Variants in INVS observed in about 807,000 individuals in gnomAD.
INVS encodes the protein inversion of embryo turning homolog.
INVS carries 86 observed loss-of-function variants against 108.8 expected under a neutral mutation model. The ratio of observed to expected loss-of-function variants is 0.79; its 90% CI spans 0.66 to 0.95. The LOEUF is 0.95. Among genes scored for constraint, INVS ranks in the 40% least tolerant of loss-of-function variants. The probability of loss-of-function intolerance (pLI) is 0.00; values close to 1 mark genes in which losing one functional copy is unlikely to be tolerated. For missense variants in INVS, 1,169 were observed against 1,297.4 expected (o/e 0.90, Z 1.52); for synonymous variants, 455 against 473.5 (o/e 0.96, Z 0.51).
chr9:100,284,640 TG>T (rs1471807630), intron 13 of INVS, 37 bp downstream of exon 13: 2 of 1,602,114 alleles, frequency 1.2e-6, no homozygotes, highest in African/African-American at 2.7e-5. Flanking sequence ...TGCCGGCCCA[TG>T]GACTGTGGGC....
chr9:100,245,967 C>T (rs1195132282), intron 7 of INVS, among the ~76,000 whole-genome samples: 2 of 151,914 alleles, frequency 1.3e-5, no homozygotes, highest in African/African-American at 2.4e-5. Flanking sequence ...GAGTTCAAGA[C>T]CAGCTTTGCC....
intron 3 of INVS, among the ~76,000 whole-genome samples, chr9:100,133,764 T>TACACACATACACACAC (rs1828125285): frequency 8.1e-6 from 1 of 123,828 alleles, no homozygotes; most frequent in Non-Finnish European, 1.7e-5. Flanking sequence ...CTGCCAAAGC[T>TACACACATACACACAC]ACACACACAC....
At position 100,252,270 on chromosome 9, in the gene INVS, G is replaced by T. The variant is rs373264811; in HGVS notation, c.1079-13G>T. On this transcript the variant is annotated splice_polypyrimidine_tract_variant and intron_variant, in intron 8 of 16. Coordinates refer to ENST00000262457, the MANE Select transcript of INVS (RefSeq NM_014425.5). Reference sequence around the variant, plus strand: ...ATTGACTAGTTCATCACTTTCTGTTGGTTCCCTTTTAGCTTTGCATGCTGC... The same window carrying T: ...ATTGACTAGTTCATCACTTTCTGTTTGTTCCCTTTTAGCTTTGCATGCTGC... The T allele has an allele frequency of 1.1e-5, 18 of 1,613,674 alleles. No homozygotes were observed. The East Asian group carries it at 4.0e-4, about 36-fold the overall frequency.
intron 2 of INVS, among the ~76,000 whole-genome samples, chr9:100,124,122 T>C (rs1179390414): frequency 1.3e-5 from 2 of 152,174 alleles, no homozygotes; most frequent in East Asian, 1.9e-4. Context: ...GTTGTGTTTT[T>C]AAATAAATCT....
chr9:100,118,069 C>CTT (rs757283860), intron 2 of INVS, among the ~76,000 whole-genome samples: 6 of 138,012 alleles, frequency 4.3e-5, no homozygotes, highest in Admixed American at 7.3e-5. Flanking sequence ...CTTTTTTTTT[C>CTT]TTTTTTTTTT....
intron 3 of INVS, among the ~76,000 whole-genome samples, chr9:100,137,048 A>G (rs1236369961): frequency 6.6e-6 from 1 of 152,208 alleles, no homozygotes; most frequent in Admixed American, 6.5e-5. Flanking sequence ...TCAAAAAAAA[A>G]GGACAGACAG....
At chr9:100,102,575 C>G (rs971654242) in intron 1 of INVS, 3 of 152,150 alleles carry the variant, frequency 2.0e-5, no homozygotes, top group Non-Finnish European at 4.4e-5. Flanking sequence ...TGTGATGGCA[C>G]ATGCCTGAAG....
chr9:100,104,500 T>G lies in INVS; in HGVS notation c.-22T>G, dbSNP rs751017082. 19 of 1,543,410 alleles carry G rather than the reference T, an allele frequency of 1.2e-5. No individual in the cohort carries two copies. The East Asian group carries it at 4.3e-4, about 35-fold the overall frequency. On this transcript the variant is annotated splice_region_variant and 5_prime_UTR_variant, in exon 2 of 17. Transcript: ENST00000262457. ...CATTGTCTGAATCATTGTTTCAGGT[T>G]GCTCCGGTTGCTAAGAAGACTATGA... is the stretch of plus-strand genomic sequence containing the variant.
chr9:100,301,139 T>TCACACACACACACACACACACACA lies in INVS; in HGVS notation c.*482_*505dup, dbSNP rs10527613. The TCACACACACACACACACACACACA allele has an allele frequency of 1.2e-5, 2 of 167,484 alleles. No individual in the cohort carries two copies. Among genetic ancestry groups the TCACACACACACACACACACACACA allele is most frequent in the African/African-American group, 7.2e-5 (2 of 27,638 alleles). The allele number at this position is 167,484 out of a possible 1,614,324, so 10.4% of individuals were successfully genotyped here. A position where few individuals can be genotyped will look rare whatever the true frequency, so the allele number is the denominator to read the frequency against. The stretch of plus-strand genomic sequence containing the variant: ...CCTGGCATCTAATGCAACAAACTTA[T>TCACACACACACACACACACACACA]CACACACACACACACACACACACAC... On this transcript the variant is annotated 3_prime_UTR_variant, in exon 17 of 17. Coordinates refer to ENST00000262457, the MANE Select transcript of INVS (RefSeq NM_014425.5).
chr9:100,103,122 G>T (rs1827055083), intron 1 of INVS, among the ~76,000 whole-genome samples: 1 of 151,998 alleles, frequency 6.6e-6, no homozygotes, highest in South Asian at 2.1e-4. Context: ...CAAAGTGCTG[G>T]GATTACAGGC....
intron 14 of INVS, among the ~76,000 whole-genome samples, chr9:100,293,928 C>T (rs772874609): frequency 1.2e-4 from 19 of 152,146 alleles, no homozygotes; most frequent in Non-Finnish European, 8.8e-5. Context: ...TTTGGGAGGC[C>T]GAGGAGGGAG....
intron 12 of INVS, among the ~76,000 whole-genome samples, chr9:100,273,583 G>A (rs1482176373): frequency 7.3e-6 from 1 of 137,102 alleles, no homozygotes; most frequent in East Asian, 2.2e-4. Flanking sequence ...TGCCGCCCAG[G>A]CTGGAATGCA....
rs372596288 is a variant in INVS at position 100,284,343 on chromosome 9, G to A, written c.1808G>A (p.Arg603Gln). Reference protein sequence around the residue: ...AAKKREEENKRKEAEQQKGRR... With the variant: ...AAKKREEENKQKEAEQQKGRR... The stretch of plus-strand genomic sequence containing the variant: ...AGAAAGCGAGAGGAAGAAAACAAAC[G>A]AAAAGAGGCAGAACAGCAAAAAGGA... The change falls in exon 13 of 17, where the codon CGA (arginine) becomes CAA (glutamine). Residue 603 changes from arginine to glutamine, a missense_variant. Around this residue, in one of 3 missense-constraint regions of INVS, gnomAD observed 271 missense variants for 363.8 expected, o/e 0.74. Coordinates refer to ENST00000262457, the MANE Select transcript of INVS (RefSeq NM_014425.5). 1.2e-5 allele frequency: 20 copies of A among 1,613,348 alleles called. No individual in the cohort carries two copies. The Middle Eastern group carries it at 1.5e-3, about 120-fold the overall frequency.
Position 100,297,935 on chromosome 9 carries a change from GGTT to G in INVS, c.3020_3022del (p.Cys1007del). On this transcript the variant is annotated inframe_deletion and splice_region_variant, in exon 16 of 17. Coordinates refer to ENST00000262457, the MANE Select transcript of INVS (RefSeq NM_014425.5). ...AAGTAACAGTTGTTGGTTCATTTCA[GGTT>G]GTTCTCACGAAGGGAAAATACATCA... 1 of 1,614,142 alleles carries G rather than the reference GGTT, an allele frequency of 6.2e-7. No individual in the cohort carries two copies. Among genetic ancestry groups the G allele is most frequent in the Non-Finnish European group, 8.5e-7 (1 of 1,179,998 alleles).
At chr9:100,154,868 C>A (rs1828924391) in intron 3 of INVS, among the ~76,000 whole-genome samples, 1 of 152,034 alleles carries the variant, frequency 6.6e-6, no homozygotes, top group South Asian at 2.1e-4. Flanking sequence ...ATATCTTGTT[C>A]TATAGTTTTG....
intron 3 of INVS, among the ~76,000 whole-genome samples, chr9:100,149,578 A>C (rs935143034): frequency 2.6e-5 from 4 of 152,216 alleles, no homozygotes; most frequent in African/African-American, 9.6e-5. Flanking sequence ...CCAGTTTAGA[A>C]GGTGCTTTCA....
At chr9:100,260,741 T>C (rs1159123776) in intron 10 of INVS, among the ~76,000 whole-genome samples, 4 of 152,150 alleles carry the variant, frequency 2.6e-5, no homozygotes, top group Admixed American at 2.6e-4. Flanking sequence ...TGGGGGAAGC[T>C]TGGGGGGAGA....
chr9:100,160,387 T>C (rs1041367251), intron 3 of INVS, among the ~76,000 whole-genome samples: 2 of 152,218 alleles, frequency 1.3e-5, no homozygotes, highest in Non-Finnish European at 2.9e-5. Context: ...CAGAGTGATA[T>C]ATAATAACAA....
At chr9:100,189,359 G>A (rs965685457) in intron 3 of INVS, among the ~76,000 whole-genome samples, 4 of 148,462 alleles carry the variant, frequency 2.7e-5, no homozygotes, top group Non-Finnish European at 4.5e-5. Flanking sequence ...CAGACTTTTT[G>A]ATTTAGGCAT....
Sources: allele counts gnomAD v4.1 joint callset (sites outside exome capture counted in the v4.1 genomes callset), GRCh38; gene constraint gnomAD v4.1.1; regional missense constraint gnomAD v4.1.1; transcripts MANE v1.5; gene names NCBI Gene and HGNC (gene_info 2026-07-23, HGNC 2026-07-21).